The following INSC variants were observed in gnomAD, a reference collection of about 807,000 sequenced individuals.
INSC encodes INSC spindle orientation adaptor protein.
In INSC, 67 loss-of-function variants were observed where a neutral mutation model predicts 58.6. That is an observed-to-expected ratio of 1.14 (90% CI 0.94 to 1.40). The LOEUF (loss-of-function observed/expected upper bound fraction) is 1.40. Among genes scored for constraint, INSC ranks in the 40% most tolerant of loss-of-function variants. The probability of loss-of-function intolerance (pLI) is 0.00; values close to 1 mark genes in which losing one functional copy is unlikely to be tolerated. For missense variants in INSC, 714 were observed against 692.0 expected, an observed-to-expected ratio of 1.03 and a Z score of -0.36; for synonymous variants, 262 against 276.1, an observed-to-expected ratio of 0.95 and a Z score of 0.51.
intron 2 of INSC, among the ~76,000 whole-genome samples, chr11:15,160,746 A>G (rs12275048): frequency 0.088 from 13,418 of 152,254 alleles, 783 homozygotes; most frequent in South Asian, 0.15. Context: ...ATTGGCTCAT[A>G]AGAGTGAAAA....
chr11:15,254,389 G>A, the INSC span, among the ~76,000 whole-genome samples: 2 of 152,092 alleles, frequency 1.3e-5, no homozygotes, highest in Non-Finnish European at 2.9e-5. Context: ...TAAGTGCCAG[G>A]ATTACCTCTG....
At chr11:15,185,456 CA>C (rs1373951708) in intron 5 of INSC, among the ~76,000 whole-genome samples, 1 of 151,858 alleles carries the variant, frequency 6.6e-6, no homozygotes, top group Non-Finnish European at 1.5e-5. Context: ...AATTATTTAT[CA>C]AAATTTATAA....
Position 15,175,771 on chromosome 11 carries a change from G to T in INSC, c.87G>T (p.Gln29His), listed in dbSNP as rs759279584. ...ACCTGATGCAGGTGGACTCAGTCCA[G>T]CGCTGGATGGAAGATCTGAAGCTCA... ...RLHLMQVDSV[Q>H]RWMEDLKLMT... The change falls in exon 3 of 13, where the codon CAG becomes CAT. Residue 29 changes from glutamine (Q) to histidine (H), a missense_variant. By Grantham distance (24) the Gln-to-His change is conservative. Coordinates refer to ENST00000379556, the MANE Select transcript of INSC (RefSeq NM_001042536.3). 1.3e-6 allele frequency: 2 copies of T among 1,590,616 alleles called. No homozygotes were observed. The highest frequency in any genetic ancestry group is 8.6e-7 in the Non-Finnish European group (1 of 1,162,928).
chr11:15,260,191 T>A, the INSC span, among the ~76,000 whole-genome samples: 1 of 152,056 alleles, frequency 6.6e-6, no homozygotes, highest in Non-Finnish European at 1.5e-5. Flanking sequence ...TTGTTTTTTT[T>A]AAAGATGTTG....
At chr11:15,239,788 G>A (rs1852274018) in intron 11 of INSC, among the ~76,000 whole-genome samples, 1 of 152,194 alleles carries the variant, frequency 6.6e-6, no homozygotes, top group South Asian at 2.1e-4. Flanking sequence ...GTTTAACAAG[G>A]GGGTGAGTCC....
intron 2 of INSC, among the ~76,000 whole-genome samples, chr11:15,157,841 C>T (rs1341786119): frequency 6.6e-6 from 1 of 152,114 alleles, no homozygotes; most frequent in South Asian, 2.1e-4. Flanking sequence ...AGCTGGGGCC[C>T]CCTTCGATGG....
chr11:15,239,054 G>A lies in INSC; in HGVS notation c.1373G>A (p.Arg458Gln), dbSNP rs556492919. The A allele has an allele frequency of 1.9e-4, 306 of 1,613,542 alleles. 1 individual carries two copies. In the Middle Eastern group the frequency reaches 6.0e-3, roughly 32 times the overall value. The change falls in exon 11 of 13, where the codon CGG becomes CAG. Residue 458 changes from arginine (R) to glutamine (Q), a missense_variant. Transcript: ENST00000379556. ...CTCAGCCGAGACCCAGATGTGGCAC[G>A]GGAGGCCGTGCGGCTCAGCTGTGAG... The part of the protein sequence containing the change: ...ARLSRDPDVA[R>Q]EAVRLSCMSR...
chr11:15,240,444 C>G lies in INSC; in HGVS notation c.1394-3C>G. The G allele has an allele frequency of 6.2e-7, 1 of 1,613,548 alleles. No homozygotes were observed. The highest frequency in any genetic ancestry group is 1.1e-5 in the South Asian group (1 of 90,972). ...CCTGAGGCTCTCCCTGTGTCTCCTA[C>G]AGGCATGTCCCGTCTCATCGAGCTC... On this transcript the variant is annotated splice_polypyrimidine_tract_variant and splice_region_variant and intron_variant, in intron 11 of 12. Coordinates refer to ENST00000379556, the MANE Select transcript of INSC (RefSeq NM_001042536.3).
At chr11:15,220,205 G>A (rs1034813090) in intron 7 of INSC, among the ~76,000 whole-genome samples, 2 of 152,212 alleles carry the variant, frequency 1.3e-5, no homozygotes, top group East Asian at 1.9e-4. Flanking sequence ...GCAGGAAGAC[G>A]CAGGGACAGA....
chr11:15,130,822 A>G (rs1000045599), intron 1 of INSC, among the ~76,000 whole-genome samples: 2 of 152,116 alleles, frequency 1.3e-5, no homozygotes, highest in South Asian at 4.1e-4. Flanking sequence ...TATGTTTTCA[A>G]TGACATTGCA....
intron 1 of INSC, among the ~76,000 whole-genome samples, chr11:15,147,977 C>CT (rs1472298059): frequency 6.6e-6 from 1 of 152,120 alleles, no homozygotes; most frequent in Admixed American, 6.5e-5. Flanking sequence ...TCAGGGAGGG[C>CT]TTATTCATGG....
chr11:15,266,400 AT>A, the INSC span, among the ~76,000 whole-genome samples: 1 of 152,058 alleles, frequency 6.6e-6, no homozygotes, highest in African/African-American at 2.4e-5. Flanking sequence ...TTATTACTAA[AT>A]AGAGACTTCT....
intron 7 of INSC, among the ~76,000 whole-genome samples, chr11:15,219,373 C>G (rs1851350390): frequency 6.6e-6 from 1 of 152,134 alleles, no homozygotes; most frequent in South Asian, 2.1e-4. Context: ...TCCAGGAGGC[C>G]CCTCTGTAGA....
intron 1 of INSC, among the ~76,000 whole-genome samples, chr11:15,129,223 C>T (rs1848069686): frequency 6.6e-6 from 1 of 152,144 alleles, no homozygotes; most frequent in African/African-American, 2.4e-5. Flanking sequence ...CCTCCTTTCT[C>T]ATTAATCAAG....
rs573855711 is a variant in INSC, at chr11:15,219,626, G to A, written c.820-1851G>A. Among the ~76,000 whole-genome samples, 3 of 152,262 alleles carry A rather than the reference G, an allele frequency of 2.0e-5. No individual in the cohort carries two copies. In the South Asian group the frequency reaches 6.2e-4, roughly 32 times the overall value. On this transcript the variant is annotated intron_variant, in intron 7 of 12. Coordinates refer to ENST00000379556, the MANE Select transcript of INSC (RefSeq NM_001042536.3). ...ATTGGCCTATCTCCAAGCATGTGTT[G>A]GGGATTAGGGCAAGTTACTGGTTTG...
chr11:15,159,499 T>A (rs1301033820), intron 2 of INSC, among the ~76,000 whole-genome samples: 1 of 152,252 alleles, frequency 6.6e-6, no homozygotes, highest in East Asian at 1.9e-4. Context: ...AATCCCATGT[T>A]ACTGCCATGA....
At chr11:15,251,294 T>C (rs1852647340), downstream of INSC, among the ~76,000 whole-genome samples, 1 of 152,206 alleles carries the variant, frequency 6.6e-6, no homozygotes, top group Non-Finnish European at 1.5e-5. Context: ...GAGCTAACAC[T>C]ATACAACTCT....
the INSC span, among the ~76,000 whole-genome samples, chr11:15,263,862 T>C: frequency 7.5e-4 from 111 of 147,874 alleles, no homozygotes; most frequent in Middle Eastern, 0.019. Context: ...TGGCTGTCAG[T>C]GGGGGATAGC....
Position 15,114,951 on chromosome 11 carries a change from C to G in INSC, c.-98C>G. 1 of 985,456 alleles carries G rather than the reference C, an allele frequency of 1.0e-6. No individual in the cohort carries two copies. The highest frequency in any genetic ancestry group is 1.7e-5 in the African/African-American group (1 of 57,364). The allele number at this position is 985,456 out of a possible 1,614,324, so 61.0% of individuals were successfully genotyped here. A position where few individuals can be genotyped will look rare whatever the true frequency, so the allele number is the denominator to read the frequency against. ...TTGCGCGCGGCCTCTGGAGCTCCAG[C>G]TGCGCCCCGCCACCACTGGCCGCTC... On this transcript the variant is annotated 5_prime_UTR_variant, in exon 1 of 13. Coordinates refer to ENST00000379556, the MANE Select transcript of INSC (RefSeq NM_001042536.3).
Sources: allele counts gnomAD v4.1 joint callset (sites outside exome capture counted in the v4.1 genomes callset), GRCh38; gene constraint gnomAD v4.1.1; transcripts MANE v1.5; gene names NCBI Gene and HGNC (gene_info 2026-07-23, HGNC 2026-07-21).